OR52N4: variants seen among roughly 807,000 people sequenced by gnomAD.
The protein encoded by OR52N4 is olfactory receptor 52N4.
In OR52N4, 15 loss-of-function variants were observed where a neutral mutation model predicts 15.0. The observed-to-expected ratio is 1.00, with a 90% confidence interval of 0.67 to 1.54. The LOEUF is 1.54. OR52N4 is among the 40% of genes most tolerant of loss of function. OR52N4 has a pLI of 0.00. For synonymous variants in OR52N4, 143 were observed against 143.7 expected, an observed-to-expected ratio of 1.00 and a Z score of 0.03; for missense variants, 421 against 394.0, an observed-to-expected ratio of 1.07 and a Z score of -0.58.
At chr11:5,735,182 T>A in the OR52N4 span, among the ~76,000 whole-genome samples, 2 of 152,012 alleles carry the variant, frequency 1.3e-5, no homozygotes, top group African/African-American at 2.4e-5. Flanking sequence ...CTGCAATAGC[T>A]TCCACCATGG....
chr11:5,740,596 G>T, the OR52N4 span, among the ~76,000 whole-genome samples: 1 of 125,596 alleles, frequency 8.0e-6, no homozygotes, highest in South Asian at 2.7e-4. Flanking sequence ...GGTCTCTTGA[G>T]CCCAGGATTG....
At chr11:5,727,558 G>A in the OR52N4 span, 1 of 152,086 alleles carries the variant, frequency 6.6e-6, no homozygotes, top group Non-Finnish European at 1.5e-5. Flanking sequence ...TTTAAGAGGG[G>A]GATAATGTCT....
the OR52N4 span, among the ~76,000 whole-genome samples, chr11:5,741,344 C>A: frequency 3.9e-5 from 6 of 152,176 alleles, no homozygotes; most frequent in Non-Finnish European, 1.5e-5. Context: ...GTATTGAACA[C>A]CCTGGTCAGA....
At chr11:5,739,166 A>G in the OR52N4 span, among the ~76,000 whole-genome samples, 12 of 124,074 alleles carry the variant, frequency 9.7e-5, 1 homozygote, top group African/African-American at 3.2e-4. Context: ...TTTTTTTACT[A>G]ACAATATAGT....
chr11:5,739,288 C>A, the OR52N4 span, among the ~76,000 whole-genome samples: 1 of 127,612 alleles, frequency 7.8e-6, no homozygotes, highest in Admixed American at 7.5e-5. Context: ...GTGGCTTACA[C>A]TTGTAATCCT....
At chr11:5,749,626 C>G (rs1488126736), upstream of OR52N4, among the ~76,000 whole-genome samples, 1 of 151,812 alleles carries the variant, frequency 6.6e-6, no homozygotes, top group Non-Finnish European at 1.5e-5. Flanking sequence ...TCTAATTTTC[C>G]TTGGTTATTT....
At chr11:5,740,561 G>A in the OR52N4 span, among the ~76,000 whole-genome samples, 1 of 126,918 alleles carries the variant, frequency 7.9e-6, no homozygotes, top group South Asian at 2.7e-4. Flanking sequence ...TCTAATCTTA[G>A]TATTCTGGGA....
At chr11:5,753,599 TCA>T, upstream of OR52N4, among the ~76,000 whole-genome samples, 1 of 152,148 alleles carries the variant, frequency 6.6e-6, no homozygotes. Flanking sequence ...AATCAAAACT[TCA>T]TTGACTTTTT....
rs1333835282 is a variant in OR52N4, at chr11:5,754,902, G to A, written c.162G>A (p.Glu54=). 3.1e-6 allele frequency: 5 copies of A among 1,613,776 alleles called. No individual in the cohort carries two copies. Among genetic ancestry groups the A allele is most frequent in the East Asian group, 2.2e-5 (1 of 44,860 alleles). The change falls in exon 2 of 2, where the codon GAG becomes GAA. Residue 54 remains glutamate, a synonymous_variant. Coordinates refer to ENST00000641350, the MANE Select transcript of OR52N4 (RefSeq NM_001005175.5). ...GACTCCTCTACCTCATTCACTATGA[G>A]GATGCCCTGCACAAACCCATGTACT... ...NCGLLYLIHY[E]DALHKPMYYF...
chr11:5,746,887 C>T, the OR52N4 span, among the ~76,000 whole-genome samples: 1 of 151,818 alleles, frequency 6.6e-6, no homozygotes, highest in African/African-American at 2.4e-5. Context: ...TTCATAATAG[C>T]AAAGATAGCG....
the OR52N4 span, among the ~76,000 whole-genome samples, chr11:5,728,606 G>T: frequency 0.17 from 25,124 of 152,128 alleles, 2,257 homozygotes; most frequent in Admixed American, 0.27. Context: ...TAGGTGGAGG[G>T]AACACAAAAC....
At position 5,755,025 on chromosome 11, in the gene OR52N4, A is replaced by G. The variant is rs1231416669; in HGVS notation, c.285A>G (p.Gly95=). The change falls in exon 2 of 2, where the codon GGA becomes GGG. Residue 95 remains glycine (G), a synonymous_variant. Transcript: ENST00000641350. ...TCTGGTTTCATCTCAAGGACATTGG[A>G]TTTGATGAATGCCTTGTCCAGATGT... The part of the protein sequence containing the change: ...CIFWFHLKDI[G]FDECLVQMFF... 1 of 1,613,934 alleles carries G rather than the reference A, an allele frequency of 6.2e-7. No homozygotes were observed. The highest frequency in any genetic ancestry group is 8.5e-7 in the Non-Finnish European group (1 of 1,179,938).
chr11:5,728,194 A>G, the OR52N4 span, among the ~76,000 whole-genome samples: 2 of 152,210 alleles, frequency 1.3e-5, no homozygotes, highest in East Asian at 1.9e-4. Context: ...AGCAGTTTCC[A>G]ATTATTCTTG....
At chr11:5,729,113 G>GCTTTT in the OR52N4 span, among the ~76,000 whole-genome samples, 1 of 50,270 alleles carries the variant, frequency 2.0e-5, no homozygotes, top group Non-Finnish European at 3.8e-5. Flanking sequence ...CTTAAATTGA[G>GCTTTT]ATTTTTTTTT....
the OR52N4 span, among the ~76,000 whole-genome samples, chr11:5,742,746 C>T: frequency 6.6e-6 from 1 of 151,800 alleles, no homozygotes; most frequent in African/African-American, 2.4e-5. Context: ...GAGTTCTAAA[C>T]AAGAAAATAA....
Position 5,755,184 on chromosome 11 carries a change from T to C in OR52N4, c.444T>C (p.Thr148=). Residue 148 remains threonine, a synonymous_variant, in exon 2 of 2, where the codon ACT becomes ACC. Coordinates refer to ENST00000641350, the MANE Select transcript of OR52N4 (RefSeq NM_001005175.5). Reference sequence around the variant, plus strand: ...ATCCTGTAATTGCAAAGGTTGGGACTGCCACCTTCCTGAGAGGGGTATTAC... The same window carrying C: ...ATCCTGTAATTGCAAAGGTTGGGACCGCCACCTTCCTGAGAGGGGTATTAC... ...LTNPVIAKVG[T]ATFLRGVLLI... is the part of the protein sequence containing the mutation. 6.2e-7 allele frequency: 1 copy of C among 1,614,112 alleles called. No homozygotes were observed. The highest frequency in any genetic ancestry group is 8.5e-7 in the Non-Finnish European group (1 of 1,179,988).
chr11:5,727,785 C>T, the OR52N4 span, among the ~76,000 whole-genome samples: 3 of 152,128 alleles, frequency 2.0e-5, no homozygotes, highest in Non-Finnish European at 4.4e-5. Flanking sequence ...TTCCTGGCAC[C>T]CTTCCAATAT....
the OR52N4 span, among the ~76,000 whole-genome samples, chr11:5,743,957 TAAAC>T: frequency 6.6e-6 from 1 of 151,456 alleles, no homozygotes; most frequent in Non-Finnish European, 1.5e-5. Context: ...TTTGAAAAGA[TAAAC>T]AAAATTGATA....
the OR52N4 span, among the ~76,000 whole-genome samples, chr11:5,728,290 A>G: frequency 6.6e-6 from 1 of 152,230 alleles, no homozygotes. Flanking sequence ...CAAACCACTC[A>G]GAATGGGAAT....
Sources: allele counts gnomAD v4.1 joint callset (sites outside exome capture counted in the v4.1 genomes callset), GRCh38; gene constraint gnomAD v4.1.1; transcripts MANE v1.5; gene names NCBI Gene and HGNC (gene_info 2026-07-23, HGNC 2026-07-21).